Variants in AK8 observed in about 807,000 individuals in gnomAD.
AK8 encodes the protein ATP-AMP transphosphorylase 8.
AK8 carries 44 observed loss-of-function variants against 54.6 expected under a neutral mutation model. The observed-to-expected ratio is 0.81, with a 90% confidence interval of 0.63 to 1.04. The LOEUF is 1.04. AK8 is among the 50% of genes least tolerant of loss of function. AK8 has a pLI of 0.00. For missense variants in AK8, 555 were observed against 613.6 expected (o/e 0.90, Z 1.01); for synonymous variants, 239 against 245.6 (o/e 0.97, Z 0.25).
At chr9:132,867,050 T>A in intron 2 of AK8, 97 bp from the exon 3 acceptor site, 1 of 1,207,632 alleles carries the variant, frequency 8.3e-7, no homozygotes. Flanking sequence ...CCTCCCTAGA[T>A]TTCATTTTCT....
intron 5 of AK8, among the ~76,000 whole-genome samples, chr9:132,832,712 T>C (rs1842158880): frequency 6.6e-6 from 1 of 152,206 alleles, no homozygotes; most frequent in Admixed American, 6.5e-5. Context: ...CAGTATGTGG[T>C]CCAAGGCTTT....
chr9:132,865,196 C>T (rs191728244), intron 3 of AK8, among the ~76,000 whole-genome samples: 20 of 152,284 alleles, frequency 1.3e-4, no homozygotes, highest in Non-Finnish European at 2.1e-4. Flanking sequence ...TAGAACCCTA[C>T]GGCCTGATAT....
chr9:132,725,668 C>A lies in AK8; in HGVS notation c.*20G>T. The stretch of plus-strand genomic sequence containing the variant: ...GGGATTAACTCTTTCCCTGGGGCAG[C>A]GCTCCTGGCTCTGAACCCATCAGGG... On this transcript the variant is annotated 3_prime_UTR_variant, in exon 13 of 13. Coordinates refer to ENST00000298545, the MANE Select transcript of AK8 (RefSeq NM_152572.3). The A allele has an allele frequency of 6.5e-7, 1 of 1,547,744 alleles. No individual in the cohort carries two copies. Among genetic ancestry groups the A allele is most frequent in the Non-Finnish European group, 8.8e-7 (1 of 1,137,190 alleles).
intron 12 of AK8, among the ~76,000 whole-genome samples, chr9:132,727,066 G>A (rs1024286135): frequency 3.3e-5 from 5 of 152,078 alleles, no homozygotes; most frequent in Non-Finnish European, 1.5e-5. Context: ...AAGCCTCAAA[G>A]GCAACTTGTG....
chr9:132,846,210 C>CT (rs1842742863), intron 5 of AK8, among the ~76,000 whole-genome samples: 1 of 152,228 alleles, frequency 6.6e-6, no homozygotes, highest in Admixed American at 6.5e-5. Flanking sequence ...AGGAGAGAGA[C>CT]TTTGAGGGTT....
At chr9:132,878,320 A>G (rs1400438794), upstream of AK8, 2 of 1,312,328 alleles carry the variant, frequency 1.5e-6, no homozygotes, top group Middle Eastern at 2.9e-4. The surrounding 1 kb of genome is among the most constrained non-coding windows in gnomAD (Gnocchi z 4.7). Context: ...CGACTGCGTC[A>G]TCAGCACGCG....
intron 2 of AK8, among the ~76,000 whole-genome samples, chr9:132,873,438 TG>T (rs113549526): frequency 1.3e-5 from 2 of 151,614 alleles, no homozygotes; most frequent in African/African-American, 2.4e-5. Flanking sequence ...GGGAGGGAGG[TG>T]GGGGGGTGGC....
At chr9:132,828,978 T>C (rs2771985) in intron 5 of AK8, among the ~76,000 whole-genome samples, 107,394 of 149,266 alleles carry the variant, frequency 0.72, 39,554 homozygotes, top group South Asian at 0.86. Context: ...TTTTTTGAGA[T>C]GGAGTTTCAC....
intron 11 of AK8, among the ~76,000 whole-genome samples, chr9:132,729,940 T>A (rs1836756499): frequency 6.6e-6 from 1 of 152,150 alleles, no homozygotes; most frequent in Non-Finnish European, 1.5e-5. Context: ...ATCAAAAGAC[T>A]AAATCAAAAG....
intron 10 of AK8, among the ~76,000 whole-genome samples, chr9:132,807,868 T>C (rs1056989176): frequency 3.9e-5 from 6 of 152,048 alleles, no homozygotes; most frequent in Non-Finnish European, 8.8e-5. Flanking sequence ...TTCAGAAATT[T>C]CAAACACACT....
chr9:132,810,447 T>C (rs1425172059), intron 10 of AK8, among the ~76,000 whole-genome samples: 1 of 152,154 alleles, frequency 6.6e-6, no homozygotes, highest in Non-Finnish European at 1.5e-5. Flanking sequence ...CTTTTAGTGG[T>C]GGATGAATTA....
chr9:132,834,423 C>G (rs971608692), intron 5 of AK8, among the ~76,000 whole-genome samples: 2 of 152,210 alleles, frequency 1.3e-5, no homozygotes, highest in African/African-American at 2.4e-5. Flanking sequence ...ATATTCAACT[C>G]ACCTGAAAGA....
intron 9 of AK8, among the ~76,000 whole-genome samples, chr9:132,820,725 G>A (rs1015960422): frequency 2.6e-5 from 4 of 152,184 alleles, no homozygotes; most frequent in Admixed American, 6.5e-5. Flanking sequence ...GTGAGTGTGG[G>A]GGCTGTCTGT....
At chr9:132,794,824 C>T (rs1195178235) in intron 10 of AK8, among the ~76,000 whole-genome samples, 1 of 152,208 alleles carries the variant, frequency 6.6e-6, no homozygotes, top group African/African-American at 2.4e-5. Flanking sequence ...CTCATCTCAG[C>T]TCCTCCCTTT....
At chr9:132,734,804 C>T (rs151288589) in intron 11 of AK8, among the ~76,000 whole-genome samples, 34 of 152,080 alleles carry the variant, frequency 2.2e-4, no homozygotes, top group African/African-American at 7.7e-4. Flanking sequence ...CTGAGATGGA[C>T]GGATCACCTG....
intron 9 of AK8, among the ~76,000 whole-genome samples, chr9:132,821,025 A>G (rs530936576): frequency 6.6e-6 from 1 of 152,276 alleles, no homozygotes; most frequent in South Asian, 2.1e-4. Context: ...GCTCTTAGGT[A>G]ACAAGCAAAA....
upstream of AK8, chr9:132,878,669 GAATA>G (rs1844273277): frequency 4.0e-6 from 4 of 998,382 alleles, no homozygotes; most frequent in Middle Eastern, 5.0e-4. The surrounding 1 kb of genome is among the most constrained non-coding windows in gnomAD (Gnocchi z 4.7). Flanking sequence ...ACAGACGCGG[GAATA>G]AATGTGGGGG....
chr9:132,798,795 G>A (rs1840303312), intron 10 of AK8, among the ~76,000 whole-genome samples: 1 of 152,076 alleles, frequency 6.6e-6, no homozygotes, highest in South Asian at 2.1e-4. Context: ...GGGGCTGGGT[G>A]TGCTTGGCCC....
intron 5 of AK8, among the ~76,000 whole-genome samples, chr9:132,841,246 C>A (rs991792467): frequency 6.6e-6 from 1 of 152,198 alleles, no homozygotes; most frequent in Non-Finnish European, 1.5e-5. Flanking sequence ...TGTCTGCCAG[C>A]CCAGATATTC....
Sources: allele counts gnomAD v4.1 joint callset (sites outside exome capture counted in the v4.1 genomes callset), GRCh38; gene constraint gnomAD v4.1.1; non-coding constraint Gnocchi (gnomAD v3.1); transcripts MANE v1.5; gene names NCBI Gene and HGNC (gene_info 2026-07-23, HGNC 2026-07-21).